The following ZC3H6 variants were observed in gnomAD, a reference collection of about 807,000 sequenced individuals.
The protein encoded by ZC3H6 is zinc finger CCCH domain-containing protein 6.
Under a neutral mutation model 107.7 loss-of-function variants are expected in ZC3H6, and 40 were observed. That is an observed-to-expected ratio of 0.37 (90% CI 0.29 to 0.48). The LOEUF (loss-of-function observed/expected upper bound fraction) is 0.48. Among genes scored for constraint, ZC3H6 ranks in the 20% least tolerant of loss-of-function variants. The pLI is 0.98. For synonymous variants in ZC3H6, 493 were observed against 487.9 expected, an observed-to-expected ratio of 1.01 and a Z score of -0.14; for missense variants, 1,267 against 1,410.4, an observed-to-expected ratio of 0.90 and a Z score of 1.63.
chr2:112,327,363 TG>T, intron 11 of ZC3H6, among the ~76,000 whole-genome samples: 1 of 152,334 alleles, frequency 6.6e-6, no homozygotes, highest in South Asian at 2.1e-4. Flanking sequence ...ATTTTTAAAT[TG>T]GATTATTGAT....
Position 112,299,985 on chromosome 2 carries a change from A to G in ZC3H6, c.169A>G (p.Arg57Gly). Residue 57 changes from arginine (R) to glycine (G), a missense_variant, in exon 2 of 12, where the codon AGA (arginine) becomes GGA (glycine). By Grantham distance (125) the Arg-to-Gly change is moderately radical. Coordinates refer to ENST00000409871, the MANE Select transcript of ZC3H6 (RefSeq NM_198581.3). ...RKSRKKHKKE[R>G]EKKKSKRRKR... ...ATCAAGAAAAAAACATAAGAAAGAG[A>G]GAGAGAAGAAAAAATCCAAAAGGAG... is the stretch of plus-strand genomic sequence containing the variant. The G allele has an allele frequency of 6.7e-7, 1 of 1,491,098 alleles. No homozygotes were observed. Among genetic ancestry groups the G allele is most frequent in the African/African-American group, 1.4e-5 (1 of 69,990 alleles). 92.4% of individuals were successfully genotyped at this position (1,491,098 alleles called of 1,614,324 possible). A position where few individuals can be genotyped will look rare whatever the true frequency, so the allele number is the denominator to read the frequency against.
chr2:112,330,217 T>C (rs1023551884), intron 11 of ZC3H6, among the ~76,000 whole-genome samples: 4 of 152,034 alleles, frequency 2.6e-5, no homozygotes, highest in Admixed American at 2.6e-4. Flanking sequence ...CGTGCACGGC[T>C]AATTTTTTTG....
At chr2:112,302,977 T>C (rs1357641704) in intron 2 of ZC3H6, among the ~76,000 whole-genome samples, 1 of 152,094 alleles carries the variant, frequency 6.6e-6, no homozygotes, top group Non-Finnish European at 1.5e-5. Context: ...TATTTCTGTT[T>C]AGGTCAAAGG....
At chr2:112,304,009 A>G (rs1223518585) in intron 3 of ZC3H6, among the ~76,000 whole-genome samples, 2 of 152,214 alleles carry the variant, frequency 1.3e-5, no homozygotes, top group Non-Finnish European at 2.9e-5. Context: ...ATTTTACATT[A>G]TTTACAATGT....
chr2:112,290,556 A>G (rs2104699184), intron 1 of ZC3H6, among the ~76,000 whole-genome samples: 1 of 152,210 alleles, frequency 6.6e-6, no homozygotes, highest in African/African-American at 2.4e-5. Context: ...TAAAAACTTC[A>G]TGAGAGAAGA....
chr2:112,324,917 G>A, intron 10 of ZC3H6, 47 bp from the exon 11 acceptor site: 1 of 1,520,886 alleles, frequency 6.6e-7, no homozygotes, highest in Non-Finnish European at 8.9e-7. Context: ...GACTGGTGAA[G>A]TTTTGTGCTC....
At chr2:112,330,015 CAA>C (rs929673551) in intron 11 of ZC3H6, among the ~76,000 whole-genome samples, 16 of 150,926 alleles carry the variant, frequency 1.1e-4, no homozygotes, top group Non-Finnish European at 2.2e-4. Context: ...GAGTAAGACT[CAA>C]AGTGTTCTCA....
chr2:112,286,810 G>C (rs1573946098), intron 1 of ZC3H6, among the ~76,000 whole-genome samples: 1 of 152,184 alleles, frequency 6.6e-6, no homozygotes, highest in African/African-American at 2.4e-5. Context: ...GACATTCAGG[G>C]ATACCAAAAA....
chr2:112,323,207 T>C (rs1341504743), intron 9 of ZC3H6, among the ~76,000 whole-genome samples: 1 of 152,220 alleles, frequency 6.6e-6, no homozygotes, highest in Non-Finnish European at 1.5e-5. Context: ...TTGTCATTGA[T>C]AATGCCTTCA....
At chr2:112,307,914 A>G (rs1031496326) in intron 3 of ZC3H6, among the ~76,000 whole-genome samples, 2 of 152,236 alleles carry the variant, frequency 1.3e-5, no homozygotes, top group Non-Finnish European at 2.9e-5. Context: ...TAAAACTTGT[A>G]TGAGAAGCAT....
chr2:112,279,089 CTATG>C (rs753195819), intron 1 of ZC3H6, among the ~76,000 whole-genome samples: 8 of 152,130 alleles, frequency 5.3e-5, no homozygotes, highest in Non-Finnish European at 1.5e-5. Context: ...CTACTTGTGG[CTATG>C]TAGAATGTAG....
intron 1 of ZC3H6, among the ~76,000 whole-genome samples, chr2:112,295,465 A>G (rs74850881): frequency 0.016 from 2,512 of 152,262 alleles, 71 homozygotes; most frequent in African/African-American, 0.057. Flanking sequence ...CTAGGTTAGT[A>G]TCTGATACAT....
At chr2:112,291,716 A>AG (rs1178060551) in intron 1 of ZC3H6, among the ~76,000 whole-genome samples, 2 of 152,032 alleles carry the variant, frequency 1.3e-5, no homozygotes, top group Non-Finnish European at 2.9e-5. Flanking sequence ...GAAGGATGCT[A>AG]GGCACTAAGT....
chr2:112,316,401 C>T, intron 5 of ZC3H6, 69 bp from the exon 6 acceptor site: 2 of 944,924 alleles, frequency 2.1e-6, no homozygotes, highest in Non-Finnish European at 3.3e-6. Context: ...TCCAGATCAA[C>T]TTAATCATAC....
At chr2:112,328,557 TATTA>T (rs1676956869) in intron 11 of ZC3H6, among the ~76,000 whole-genome samples, 1 of 152,230 alleles carries the variant, frequency 6.6e-6, no homozygotes, top group Non-Finnish European at 1.5e-5. Context: ...AAGAAGATAT[TATTA>T]ATTCTTCATT....
chr2:112,326,956 A>G (rs377304246), intron 11 of ZC3H6, among the ~76,000 whole-genome samples: 46 of 152,260 alleles, frequency 3.0e-4, no homozygotes, highest in African/African-American at 1.0e-3. Context: ...AATCTTGGTT[A>G]TTGTGAATAA....
At chr2:112,330,154 G>A (rs749967236) in intron 11 of ZC3H6, among the ~76,000 whole-genome samples, 2 of 151,424 alleles carry the variant, frequency 1.3e-5, no homozygotes, top group African/African-American at 2.4e-5. Context: ...CCAGGTTCAC[G>A]CCATTCTCCT....
chr2:112,289,619 C>T (rs1276058322), intron 1 of ZC3H6, among the ~76,000 whole-genome samples: 10 of 152,104 alleles, frequency 6.6e-5, no homozygotes, highest in Admixed American at 3.3e-4. Flanking sequence ...GCCACCGCGC[C>T]GGCCCTGAAC....
chr2:112,316,321 C>T, intron 5 of ZC3H6, 149 bp from the exon 6 acceptor site: 1 of 558,096 alleles, frequency 1.8e-6, no homozygotes, highest in South Asian at 2.6e-5. Context: ...ACACATATCT[C>T]TCTCCAAATA....
Sources: gnomAD v4.1 joint callset for allele counts (sites outside exome capture counted in the v4.1 genomes callset) on GRCh38, gnomAD v4.1.1 for gene constraint, MANE v1.5 for transcripts, NCBI Gene and HGNC (gene_info 2026-07-23, HGNC 2026-07-21) for gene names.